Variants in GRID2 observed in about 807,000 individuals in gnomAD.
GRID2 encodes glutamate ionotropic receptor delta type subunit 2, also known as glutamate receptor ionotropic, delta-2.
GRID2 carries 33 observed loss-of-function variants against 114.8 expected under a neutral mutation model. The observed-to-expected ratio is 0.29, with a 90% CI of 0.22 to 0.38. The LOEUF (loss-of-function observed/expected upper bound fraction) is 0.38, where lower values mean the gene tolerates loss of function less well. Ranked by LOEUF, GRID2 falls within the 10% of genes least tolerant of loss-of-function variation. The pLI is 1.00. For missense variants in GRID2, 1,184 were observed against 1,257.7 expected (o/e 0.94, Z 0.89); for synonymous variants, 505 against 449.9 (o/e 1.12, Z -1.55).
chr4:92,927,733 A>T (rs978976413), intron 2 of GRID2, among the ~76,000 whole-genome samples: 2 of 151,866 alleles, frequency 1.3e-5, no homozygotes, highest in East Asian at 1.9e-4. Context: ...TGAACACGGA[A>T]AATAAGGTTT....
chr4:92,565,157 A>G (rs1025253155), intron 1 of GRID2, among the ~76,000 whole-genome samples: 1 of 152,102 alleles, frequency 6.6e-6, no homozygotes. Flanking sequence ...AATGCTTGTT[A>G]TGTTACTTAT....
chr4:92,304,453 A>G lies in GRID2; in HGVS notation c.-204A>G, dbSNP rs760933860. On this transcript the variant is annotated 5_prime_UTR_variant, in exon 1 of 16. Coordinates refer to ENST00000282020, the MANE Select transcript of GRID2 (RefSeq NM_001510.4). ...CCCTCCAAGTGACACGGCTTTGCGA[A>G]GGAGGTTTCCTCAGGCTGGGCTCTT... 1 of 602,316 alleles carries G rather than the reference A, an allele frequency of 1.7e-6. No individual in the cohort carries two copies. The highest frequency in any genetic ancestry group is 3.0e-5 in the Admixed American group (1 of 33,380). 37.3% of individuals were successfully genotyped at this position (602,316 alleles called of 1,614,324 possible). A position where few individuals can be genotyped will look rare whatever the true frequency, so the allele number is the denominator to read the frequency against.
chr4:93,543,152 C>A lies in GRID2; in HGVS notation c.2193+27741C>A, dbSNP rs111287826. ...TTTAAATAAAATGAAAAACACCCTACTTTTGCTACCAATATTTCCTAAAGT... is the reference window on the plus strand; with the variant it reads ...TTTAAATAAAATGAAAAACACCCTAATTTTGCTACCAATATTTCCTAAAGT... On this transcript the variant is annotated intron_variant, in intron 13 of 15. Coordinates refer to ENST00000282020, the MANE Select transcript of GRID2 (RefSeq NM_001510.4). Among the ~76,000 whole-genome samples, 441 of 152,260 alleles carry A rather than the reference C, an allele frequency of 2.9e-3. 1 individual carries two copies. The highest frequency in any genetic ancestry group is 3.8e-3 in the Non-Finnish European group (261 of 68,020).
intron 2 of GRID2, among the ~76,000 whole-genome samples, chr4:92,964,697 T>C (rs541959713): frequency 6.6e-6 from 1 of 152,108 alleles, no homozygotes; most frequent in South Asian, 2.1e-4. Flanking sequence ...TCCTTAAGCC[T>C]CATGAACAAA....
At chr4:93,119,143 G>A (rs1424219434) in intron 4 of GRID2, among the ~76,000 whole-genome samples, 1 of 151,942 alleles carries the variant, frequency 6.6e-6, no homozygotes, top group Non-Finnish European at 1.5e-5. Context: ...TCTACACTTA[G>A]TGCTCCACCT....
At chr4:92,636,702 G>T (rs1731082193) in intron 2 of GRID2, among the ~76,000 whole-genome samples, 1 of 152,008 alleles carries the variant, frequency 6.6e-6, no homozygotes, top group Non-Finnish European at 1.5e-5. Flanking sequence ...ATGCAGCTCT[G>T]TAAAGTGTGT....
chr4:92,362,718 T>C (rs1478176414), intron 1 of GRID2, among the ~76,000 whole-genome samples: 1 of 152,022 alleles, frequency 6.6e-6, no homozygotes, highest in South Asian at 2.1e-4. Context: ...CCTAAGAAGT[T>C]TTAAATCAAA....
chr4:92,770,426 G>A (rs1048301550), intron 2 of GRID2, among the ~76,000 whole-genome samples: 3 of 152,080 alleles, frequency 2.0e-5, no homozygotes, highest in Admixed American at 2.0e-4. Context: ...CAATTCCAAA[G>A]TTGCTTCCAT....
chr4:92,423,361 T>C (rs4374594), intron 1 of GRID2, among the ~76,000 whole-genome samples: 117,486 of 151,960 alleles, frequency 0.77, 45,575 homozygotes, highest in East Asian at 0.91. Flanking sequence ...ATAAATTATT[T>C]TCTATTAGAA....
At chr4:92,687,824 C>G (rs902405897) in intron 2 of GRID2, among the ~76,000 whole-genome samples, 3 of 151,500 alleles carry the variant, frequency 2.0e-5, no homozygotes, top group African/African-American at 7.3e-5. Context: ...GCAAGACTCC[C>G]TCTCAAAAAA....
rs946615435 is a variant in GRID2 at position 93,160,379 on chromosome 4, A to T, written c.736-47025A>T. Among the ~76,000 whole-genome samples the T allele has an allele frequency of 4.6e-5, 7 of 151,702 alleles. No individual in the cohort carries two copies. The East Asian group carries it at 1.4e-3, about 29-fold the overall frequency. On this transcript the variant is annotated intron_variant, in intron 4 of 15. Transcript: ENST00000282020. ...AGTTTTCCAGTTCGTCTCGAGTCTT[A>T]AAAAAAAGTTTGTTTACTTCAAGAG...
intron 14 of GRID2, among the ~76,000 whole-genome samples, chr4:93,758,522 G>A (rs1732948348): frequency 6.6e-6 from 1 of 151,924 alleles, no homozygotes; most frequent in African/African-American, 2.4e-5. Flanking sequence ...CAACTTTTTA[G>A]AAGTTTAGAA....
At chr4:93,288,557 T>C (rs1368726) in intron 8 of GRID2, among the ~76,000 whole-genome samples, 82,865 of 151,476 alleles carry the variant, frequency 0.55, 23,648 homozygotes, top group Middle Eastern at 0.74. Context: ...GCTCCATCTG[T>C]CCAAAGAGAA....
At chr4:92,840,248 A>C (rs776225373) in intron 2 of GRID2, among the ~76,000 whole-genome samples, 1 of 151,876 alleles carries the variant, frequency 6.6e-6, no homozygotes, top group South Asian at 2.1e-4. Flanking sequence ...ACAGATGCAG[A>C]TCGATCTTGT....
At chr4:93,153,583 G>A (rs1736914624) in intron 4 of GRID2, among the ~76,000 whole-genome samples, 1 of 152,046 alleles carries the variant, frequency 6.6e-6, no homozygotes, top group Non-Finnish European at 1.5e-5. Context: ...GAATGAAAGT[G>A]TCATATGCTC....
At chr4:93,554,885 T>C (rs1734152142) in intron 13 of GRID2, among the ~76,000 whole-genome samples, 1 of 152,112 alleles carries the variant, frequency 6.6e-6, no homozygotes. Flanking sequence ...GCGGGTGACT[T>C]CTGCATTTCC....
intron 1 of GRID2, among the ~76,000 whole-genome samples, chr4:92,454,619 G>A (rs930608957): frequency 3.1e-4 from 47 of 152,092 alleles, no homozygotes; most frequent in African/African-American, 1.1e-3. Flanking sequence ...GGCAGATCAC[G>A]AGGTCAGGAG....
At chr4:93,485,815 G>C (rs1443207997) in intron 11 of GRID2, among the ~76,000 whole-genome samples, 1 of 151,436 alleles carries the variant, frequency 6.6e-6, no homozygotes, top group Non-Finnish European at 1.5e-5. Context: ...AGAGTATCTT[G>C]GCAATTTTTG....
intron 1 of GRID2, among the ~76,000 whole-genome samples, chr4:92,347,186 T>C (rs927064138): frequency 1.3e-5 from 2 of 152,176 alleles, no homozygotes; most frequent in Non-Finnish European, 2.9e-5. Context: ...AACCAAAAAA[T>C]TGTGGCCAAA....
Sources: allele counts gnomAD v4.1 joint callset (sites outside exome capture counted in the v4.1 genomes callset), GRCh38; gene constraint gnomAD v4.1.1; transcripts MANE v1.5; gene names NCBI Gene and HGNC (gene_info 2026-07-23, HGNC 2026-07-21).